The following FRY variants were observed in gnomAD, a reference collection of about 807,000 sequenced individuals.
The protein encoded by FRY is FRY microtubule binding protein.
A neutral mutation model predicts 348.4 loss-of-function variants in FRY; 128 were observed. That is an observed-to-expected ratio of 0.37 (90% CI 0.32 to 0.43). FRY has a LOEUF of 0.43. Ranked by LOEUF, FRY falls within the 20% of genes least tolerant of loss-of-function variation. FRY has a pLI of 1.00. For synonymous variants in FRY, 1,370 were observed against 1,374.7 expected (o/e 1.00, Z 0.08); for missense variants, 2,736 against 3,695.2 (o/e 0.74, Z 6.73).
At position 32,208,956 on chromosome 13, in the gene FRY, C is replaced by T. The variant is rs752332438; in HGVS notation, c.4122C>T (p.Leu1374=). ...LHNIELVDSR[L]LLPGSSPSSP... is the part of the protein sequence containing the mutation. ...ACATCGAGCTGGTGGACAGCAGGCT[C>T]CTCCTCCCGGGGTCGAGCCCCAGCA... The change falls in exon 32 of 61, where the codon CTC becomes CTT. Residue 1374 remains leucine, a synonymous_variant. Coordinates refer to ENST00000542859, the MANE Select transcript of FRY (RefSeq NM_023037.3). 9.3e-6 allele frequency: 15 copies of T among 1,614,032 alleles called. No homozygotes were observed. Among genetic ancestry groups the T allele is most frequent in the African/African-American group, 5.3e-5 (4 of 74,914 alleles).
chr13:32,065,605 CA>C (rs1374458146), intron 1 of FRY, among the ~76,000 whole-genome samples: 2 of 145,922 alleles, frequency 1.4e-5, no homozygotes, highest in African/African-American at 5.1e-5. Context: ...AGCGCCCGAC[CA>C]AAAAAATTTT....
At chr13:32,249,009 C>T (rs1246763785) in intron 48 of FRY, among the ~76,000 whole-genome samples, 1 of 152,198 alleles carries the variant, frequency 6.6e-6, no homozygotes, top group Non-Finnish European at 1.5e-5. Context: ...TATGCAGCCA[C>T]CACACTCTGG....
At chr13:32,264,353 C>G (rs1296209323) in intron 53 of FRY, among the ~76,000 whole-genome samples, 1 of 151,982 alleles carries the variant, frequency 6.6e-6, no homozygotes, top group Admixed American at 6.6e-5. Context: ...TTTTACCATT[C>G]CTGGTAATTT....
At chr13:32,163,375 G>A (rs1212643076) in intron 17 of FRY, among the ~76,000 whole-genome samples, 9 of 152,142 alleles carry the variant, frequency 5.9e-5, no homozygotes, top group Non-Finnish European at 1.3e-4. Flanking sequence ...TTTACTACCT[G>A]CATGATCCGG....
At chr13:32,217,719 C>T (rs1364140291) in intron 35 of FRY, among the ~76,000 whole-genome samples, 8 of 152,220 alleles carry the variant, frequency 5.3e-5, no homozygotes, top group African/African-American at 1.2e-4. Flanking sequence ...TGTATAACTT[C>T]GCCTCCCCTC....
intron 48 of FRY, among the ~76,000 whole-genome samples, chr13:32,247,967 C>G (rs2025415): frequency 0.79 from 120,838 of 152,134 alleles, 49,042 homozygotes; most frequent in Middle Eastern, 0.91. Context: ...TGCCTTGAAG[C>G]GGGCAGGGGA....
Position 32,239,720 on chromosome 13 carries a change from G to C in FRY, c.6526G>C (p.Glu2176Gln). 1.9e-6 allele frequency: 3 copies of C among 1,610,388 alleles called. No homozygotes were observed. The highest frequency in any genetic ancestry group is 2.5e-6 in the Non-Finnish European group (3 of 1,176,786). Residue 2176 changes from glutamate (E) to glutamine (Q), a missense_variant, in exon 46 of 61, where the codon GAA becomes CAA. Glu to Gln is a conservative substitution (Grantham distance 29, BLOSUM62 2). This residue lies in a region of FRY where 789 missense variants were observed against 996.2 expected (regional missense o/e 0.79). Transcript: ENST00000542859. The surrounding 1 kb of genome is among the most constrained non-coding windows in gnomAD (Gnocchi z 4.3). ...TTTTTTATTTTAAAAGGTTTGTTTAGAAGAGAAGAACCCCAAACTTTCAAA... is the reference window on the plus strand; with the variant it reads ...TTTTTTATTTTAAAAGGTTTGTTTACAAGAGAAGAACCCCAAACTTTCAAA... Reference protein sequence around the residue: ...IAERIAQVCLEEKNPKLSNLA... With the variant: ...IAERIAQVCLQEKNPKLSNLA...
At chr13:32,136,039 T>TAAAAA (rs138896602) in intron 10 of FRY, among the ~76,000 whole-genome samples, 10,988 of 151,008 alleles carry the variant, frequency 0.073, 1,063 homozygotes, top group African/African-American at 0.22. Flanking sequence ...TAAGTTAATT[T>TAAAAA]AAAAAAAAAC....
intron 31 of FRY, among the ~76,000 whole-genome samples, chr13:32,208,178 A>G (rs1302542230): frequency 6.6e-6 from 1 of 152,206 alleles, no homozygotes; most frequent in African/African-American, 2.4e-5. Flanking sequence ...CATGCTTAGC[A>G]GTTTTCAAGA....
At position 32,187,572 on chromosome 13, in the gene FRY, C is replaced by T; in HGVS notation, c.3507C>T (p.Gly1169=). 1 of 1,609,912 alleles carries T rather than the reference C, an allele frequency of 6.2e-7. No homozygotes were observed. Among genetic ancestry groups the T allele is most frequent in the Non-Finnish European group, 8.5e-7 (1 of 1,176,218 alleles). Residue 1169 remains glycine (G), a synonymous_variant, in exon 28 of 61, where the codon GGC becomes GGT. Coordinates refer to ENST00000542859, the MANE Select transcript of FRY (RefSeq NM_023037.3). ...LKAMSAVLCC[G]PVFDNVGLSP... Reference sequence around the variant, plus strand: ...CAATGTCAGCAGTACTGTGCTGTGGCCCTGTCTTTGACAATGTGGGCCTTT... The same window carrying T: ...CAATGTCAGCAGTACTGTGCTGTGGTCCTGTCTTTGACAATGTGGGCCTTT...
chr13:32,279,108 T>C (rs1349553166), intron 58 of FRY, among the ~76,000 whole-genome samples: 1 of 152,200 alleles, frequency 6.6e-6, no homozygotes, highest in Admixed American at 6.5e-5. Flanking sequence ...GCCTCTGCTC[T>C]TGTGGAGCTT....
At chr13:32,185,244 A>G in intron 26 of FRY, 96 bp downstream of exon 26, 1 of 1,054,136 alleles carries the variant, frequency 9.5e-7, no homozygotes, top group Non-Finnish European at 1.5e-6. Context: ...ACTGGCCTTT[A>G]TGCAGGTCTG....
chr13:32,222,992 C>T (rs910543970), intron 36 of FRY, among the ~76,000 whole-genome samples: 1 of 143,314 alleles, frequency 7.0e-6, no homozygotes, highest in Admixed American at 6.8e-5. Flanking sequence ...CTTGCTCTGT[C>T]AGCCAGGCTG....
intron 51 of FRY, among the ~76,000 whole-genome samples, chr13:32,255,603 G>A (rs187142326): frequency 1.3e-5 from 2 of 152,296 alleles, no homozygotes; most frequent in East Asian, 1.9e-4. Context: ...TAAAGGCACT[G>A]CTATCATGTA....
intron 56 of FRY, 59 bp downstream of exon 56, chr13:32,275,050 T>C (rs1888452709): frequency 2.5e-5 from 37 of 1,452,282 alleles, no homozygotes; most frequent in Non-Finnish European, 3.4e-5. Flanking sequence ...AGTGCAGAAC[T>C]TCAGGGTAGC....
In FRY at chr13:32,179,770, A is replaced by G. The variant is rs1477959836; in HGVS notation, c.2967A>G (p.Gly989=). The stretch of plus-strand genomic sequence containing the variant: ...AGATCACAGAGTCCTTAGTTTTAGG[A>G]TTTGGAAGAACAAATTCCCTTGTTT... The part of the protein sequence containing the change: ...SIEITESLVL[G]FGRTNSLVFR... The change falls in exon 23 of 61, where the codon GGA becomes GGG. Residue 989 remains glycine (G), a synonymous_variant. Coordinates refer to ENST00000542859, the MANE Select transcript of FRY (RefSeq NM_023037.3). 1.2e-6 allele frequency: 2 copies of G among 1,613,806 alleles called. No homozygotes were observed. Among genetic ancestry groups the G allele is most frequent in the Non-Finnish European group, 8.5e-7 (1 of 1,179,710 alleles).
chr13:32,045,578 C>T (rs906074114), intron 1 of FRY, among the ~76,000 whole-genome samples: 1 of 152,150 alleles, frequency 6.6e-6, no homozygotes, highest in Non-Finnish European at 1.5e-5. Flanking sequence ...AAAATTTCAT[C>T]GTGAACTGGG....
intron 11 of FRY, among the ~76,000 whole-genome samples, chr13:32,141,056 A>G (rs1253937788): frequency 2.6e-5 from 4 of 152,180 alleles, no homozygotes; most frequent in Non-Finnish European, 5.9e-5. Flanking sequence ...TCTCATTTCT[A>G]TAATCTTGAG....
rs558610019 is a variant in FRY, at chr13:32,295,890, CTTTTCTT to C, written c.*448_*454del. The C allele has an allele frequency of 9.5e-4, 160 of 169,174 alleles. No individual in the cohort carries two copies. The highest frequency in any genetic ancestry group is 2.2e-3 in the South Asian group (13 of 5,972). 10.5% of individuals were successfully genotyped at this position (169,174 alleles called of 1,614,324 possible). A position where few individuals can be genotyped will look rare whatever the true frequency, so the allele number is the denominator to read the frequency against. On this transcript the variant is annotated 3_prime_UTR_variant, in exon 61 of 61. Coordinates refer to ENST00000542859, the MANE Select transcript of FRY (RefSeq NM_023037.3). ...TTCTTTCCCTGTCTTGTTCCATTTT[CTTTTCTT>C]TTTTCTTTTTTCTTTTTCCTTTCTT...
Sources: allele counts gnomAD v4.1 joint callset (sites outside exome capture counted in the v4.1 genomes callset), GRCh38; gene constraint gnomAD v4.1.1; regional missense constraint gnomAD v4.1.1; non-coding constraint Gnocchi (gnomAD v3.1); transcripts MANE v1.5; gene names NCBI Gene and HGNC (gene_info 2026-07-23, HGNC 2026-07-21).